TECPR2: variants seen among roughly 807,000 people sequenced by gnomAD.
TECPR2 encodes the protein tectonin beta-propeller repeat-containing protein 2.
TECPR2 carries 65 observed loss-of-function variants against 138.1 expected under a neutral mutation model. The observed-to-expected ratio is 0.47, with a 90% CI of 0.39 to 0.58. The LOEUF (loss-of-function observed/expected upper bound fraction) is 0.58, where lower values mean the gene tolerates loss of function less well. TECPR2 is among the 20% of genes least tolerant of loss of function. The probability of loss-of-function intolerance (pLI) is 0.00; values close to 1 mark genes in which losing one functional copy is unlikely to be tolerated. For missense variants in TECPR2, 1,553 were observed against 1,824.5 expected, an observed-to-expected ratio of 0.85 and a Z score of 2.71; for synonymous variants, 746 against 749.8, an observed-to-expected ratio of 0.99 and a Z score of 0.08.
In TECPR2 at chr14:102,419,042, C is replaced by T. The variant is rs1889103723; in HGVS notation, c.638+4249C>T. Among the ~76,000 whole-genome samples the T allele has an allele frequency of 6.6e-6, 1 of 152,064 alleles. No individual in the cohort carries two copies. The highest frequency in any genetic ancestry group is 6.5e-5 in the Admixed American group (1 of 15,274). ...CGTGGGAGGCGGGTGGCGGGTGTAC[C>T]TCTCGGGGAGCTGTGCGCTGGCAGC... On this transcript the variant is annotated intron_variant, in intron 5 of 19. Transcript: ENST00000359520. The surrounding 1 kb of genome is among the most constrained non-coding windows in gnomAD (Gnocchi z 4.8).
intron 6 of TECPR2, among the ~76,000 whole-genome samples, chr14:102,426,716 A>G (rs1050344249): frequency 2.0e-5 from 3 of 152,110 alleles, no homozygotes; most frequent in African/African-American, 7.2e-5. Flanking sequence ...AAAATTAGCC[A>G]GGCATGGTGG....
In TECPR2 at chr14:102,497,291, C is replaced by T. The variant is rs192570811; in HGVS notation, c.3931+171C>T. On this transcript the variant is annotated intron_variant, in intron 18 of 19. Coordinates refer to ENST00000359520, the MANE Select transcript of TECPR2 (RefSeq NM_014844.5). ...ACAAGCCTCCCATCATGTTCCTTAT[C>T]AGGGGAACCCAGGCCGTCCTGCTGG... is the stretch of plus-strand genomic sequence containing the variant. Among the ~76,000 whole-genome samples, 18 of 152,366 alleles carry T rather than the reference C, an allele frequency of 1.2e-4. No individual in the cohort carries two copies. In the East Asian group the frequency reaches 3.5e-3, roughly 29 times the overall value.
chr14:102,479,035 G>GA (rs1311339832), intron 17 of TECPR2, among the ~76,000 whole-genome samples: 10 of 139,184 alleles, frequency 7.2e-5, no homozygotes, highest in South Asian at 4.6e-4. Flanking sequence ...AAAAAAAAAG[G>GA]AAAAAAAAAA....
chr14:102,455,712 G>C (rs1291661154), intron 16 of TECPR2, among the ~76,000 whole-genome samples: 1 of 152,196 alleles, frequency 6.6e-6, no homozygotes, highest in African/African-American at 2.4e-5. Flanking sequence ...CCAGGTTCAA[G>C]CAATTCTCCC....
Position 102,498,783 on chromosome 14 carries a change from G to T in TECPR2, c.*526G>T. The T allele has an allele frequency of 1.9e-6, 1 of 514,476 alleles. No homozygotes were observed. The highest frequency in any genetic ancestry group is 1.9e-5 in the African/African-American group (1 of 53,390). 31.9% of individuals were successfully genotyped at this position (514,476 alleles called of 1,614,324 possible). On this transcript the variant is annotated 3_prime_UTR_variant, in exon 20 of 20. Transcript: ENST00000359520. ...CTGCAGAGCACATTCCATGCCAGAC[G>T]CTCTGGCCAGGAAGCTGAGGCCGGG...
At position 102,499,585 on chromosome 14, in the gene TECPR2, T is replaced by A; in HGVS notation, c.*1328T>A. The A allele has an allele frequency of 3.4e-6, 1 of 291,072 alleles. No individual in the cohort carries two copies. Among genetic ancestry groups the A allele is most frequent in the Non-Finnish European group, 6.6e-6 (1 of 151,606 alleles). 18.0% of individuals were successfully genotyped at this position (291,072 alleles called of 1,614,324 possible). A position where few individuals can be genotyped will look rare whatever the true frequency, so the allele number is the denominator to read the frequency against. The stretch of plus-strand genomic sequence containing the variant: ...GGGGTATGGGTTGACACTTGACAGG[T>A]TGAAACCAGTGCCTCTATGGACGGC... On this transcript the variant is annotated 3_prime_UTR_variant, in exon 20 of 20. Coordinates refer to ENST00000359520, the MANE Select transcript of TECPR2 (RefSeq NM_014844.5).
intron 2 of TECPR2, among the ~76,000 whole-genome samples, chr14:102,403,442 A>C (rs2139688480): frequency 6.6e-6 from 1 of 152,352 alleles, no homozygotes; most frequent in Middle Eastern, 3.4e-3. Flanking sequence ...AAAAACGGAA[A>C]GCTTTTCCTC....
In TECPR2 at chr14:102,497,243, G is replaced by A. The variant is rs143361985; in HGVS notation, c.3931+123G>A. 424 of 1,414,902 alleles carry A rather than the reference G, an allele frequency of 3.0e-4. 2 individuals carry two copies. In the East Asian group the frequency reaches 8.8e-3, roughly 29 times the overall value. 87.6% of individuals were successfully genotyped at this position (1,414,902 alleles called of 1,614,324 possible). A position where few individuals can be genotyped will look rare whatever the true frequency, so the allele number is the denominator to read the frequency against. On this transcript the variant is annotated intron_variant, in intron 18 of 19. Transcript: ENST00000359520. Reference sequence around the variant, plus strand: ...GCCTTTGTGCTGGGGCTGTGCTGTCGCCGCTGCTTCCTGGGCCAGGGGACA... The same window carrying A: ...GCCTTTGTGCTGGGGCTGTGCTGTCACCGCTGCTTCCTGGGCCAGGGGACA...
At chr14:102,495,702 G>A (rs546470468) in intron 17 of TECPR2, among the ~76,000 whole-genome samples, 169 of 152,348 alleles carry the variant, frequency 1.1e-3, no homozygotes, top group African/African-American at 3.7e-3. Flanking sequence ...CCACCGCCCC[G>A]TCCTCCTTGC....
chr14:102,446,852 G>A (rs1889995375), intron 13 of TECPR2, among the ~76,000 whole-genome samples: 1 of 151,970 alleles, frequency 6.6e-6, no homozygotes, highest in African/African-American at 2.4e-5. Flanking sequence ...TATTATTATA[G>A]GCTAAATAAA....
intron 1 of TECPR2, among the ~76,000 whole-genome samples, chr14:102,364,101 C>A (rs1024580382): frequency 6.6e-6 from 1 of 152,210 alleles, no homozygotes; most frequent in Non-Finnish European, 1.5e-5. Context: ...CTTTTCTCAT[C>A]TATTGGAGTG....
Position 102,499,070 on chromosome 14 carries a change from G to T in TECPR2, c.*813G>T. The T allele has an allele frequency of 1.4e-6, 1 of 702,648 alleles. No individual in the cohort carries two copies. Among genetic ancestry groups the T allele is most frequent in the Admixed American group, 2.0e-5 (1 of 49,996 alleles). The allele number at this position is 702,648 out of a possible 1,614,324, so 43.5% of individuals were successfully genotyped here. ...ACACCACACCTCACTGCCCACACAC[G>T]GCGCAGGCTGCCCGCCTCCTGGAGA... On this transcript the variant is annotated 3_prime_UTR_variant, in exon 20 of 20. Transcript: ENST00000359520.
chr14:102,363,687 G>GA (rs1434920684), intron 1 of TECPR2, among the ~76,000 whole-genome samples: 1 of 152,218 alleles, frequency 6.6e-6, no homozygotes, highest in African/African-American at 2.4e-5. Context: ...GTCAGAGCCG[G>GA]GCAGGTCCCA....
In TECPR2 at chr14:102,499,981, TC is replaced by T. The variant is rs1370367300; in HGVS notation, c.*1725del. On this transcript the variant is annotated 3_prime_UTR_variant, in exon 20 of 20. Transcript: ENST00000359520. ...AGAGGCAGCCCCAGGCCGGGCTGCA[TC>T]TCTCTGTGTCTGTTGTGCCTTGCCC... The T allele has an allele frequency of 7.9e-5, 12 of 152,820 alleles. No homozygotes were observed. The highest frequency in any genetic ancestry group is 2.9e-5 in the Non-Finnish European group (2 of 68,206). 9.5% of individuals were successfully genotyped at this position (152,820 alleles called of 1,614,324 possible).
intron 17 of TECPR2, among the ~76,000 whole-genome samples, chr14:102,494,313 C>T (rs1891225593): frequency 6.6e-6 from 1 of 152,110 alleles, no homozygotes; most frequent in South Asian, 2.1e-4. Context: ...GAAGCCGAGG[C>T]AGGCAGATCG....
intron 17 of TECPR2, among the ~76,000 whole-genome samples, chr14:102,479,784 C>A (rs1158658664): frequency 6.6e-6 from 1 of 152,258 alleles, no homozygotes; most frequent in East Asian, 1.9e-4. Flanking sequence ...GATCCAACCT[C>A]ACTGAGCCAG....
intron 13 of TECPR2, among the ~76,000 whole-genome samples, chr14:102,447,158 CT>C (rs1890005347): frequency 6.6e-6 from 1 of 152,122 alleles, no homozygotes; most frequent in East Asian, 1.9e-4. Context: ...TTTTCTTTTT[CT>C]TTTCTTTTTT....
chr14:102,472,918 G>A (rs561658280), intron 17 of TECPR2, among the ~76,000 whole-genome samples: 6 of 152,360 alleles, frequency 3.9e-5, no homozygotes, highest in African/African-American at 1.2e-4. Flanking sequence ...TGGCACTGAC[G>A]ATTGTTTGCT....
intron 5 of TECPR2, 33 bp downstream of exon 5, chr14:102,414,826 A>G: frequency 6.2e-7 from 1 of 1,611,192 alleles, no homozygotes. Context: ...TTTGGCCTAA[A>G]TGCTGGGCCT....
Sources: gnomAD v4.1 joint callset for allele counts (sites outside exome capture counted in the v4.1 genomes callset) on GRCh38, gnomAD v4.1.1 for gene constraint, Gnocchi (gnomAD v3.1) non-coding constraint, MANE v1.5 for transcripts, NCBI Gene and HGNC (gene_info 2026-07-23, HGNC 2026-07-21) for gene names.